EHBP1: variants seen among roughly 807,000 people sequenced by gnomAD.
EHBP1 encodes EH domain-binding protein 1.
EHBP1 carries 55 observed loss-of-function variants against 144.0 expected under a neutral mutation model. That is an observed-to-expected ratio of 0.38 (90% CI 0.31 to 0.48). The LOEUF (loss-of-function observed/expected upper bound fraction) is 0.48. Among genes scored for constraint, EHBP1 ranks in the 20% least tolerant of loss-of-function variants. EHBP1 has a pLI of 0.98. For missense variants in EHBP1, 1,200 were observed against 1,364.2 expected, an observed-to-expected ratio of 0.88 and a Z score of 1.90; for synonymous variants, 469 against 472.7, an observed-to-expected ratio of 0.99 and a Z score of 0.10.
chr2:63,038,922 C>T, intron 21 of EHBP1, 106 bp downstream of exon 21: 1 of 1,044,580 alleles, frequency 9.6e-7, no homozygotes, highest in Non-Finnish European at 1.4e-6. Context: ...TACTAGGGAC[C>T]TTCCGGAATT....
intron 2 of EHBP1, among the ~76,000 whole-genome samples, chr2:62,721,833 CT>C (rs757348719): frequency 2.6e-5 from 4 of 152,024 alleles, no homozygotes; most frequent in Non-Finnish European, 4.4e-5. Context: ...TCATTACTGC[CT>C]TTTGTACAGA....
intron 14 of EHBP1, among the ~76,000 whole-genome samples, chr2:62,976,128 T>C (rs1300439517): frequency 6.6e-6 from 1 of 152,238 alleles, no homozygotes; most frequent in Non-Finnish European, 1.5e-5. Context: ...ACTCGAATTT[T>C]CCTTGATTCA....
At chr2:62,882,315 G>A (rs1445336963) in intron 10 of EHBP1, among the ~76,000 whole-genome samples, 2 of 152,112 alleles carry the variant, frequency 1.3e-5, no homozygotes, top group East Asian at 1.9e-4. Context: ...GAGAAAGAGG[G>A]AAAAATGCTA....
chr2:62,894,840 C>G (rs1316872004), intron 10 of EHBP1, among the ~76,000 whole-genome samples: 1 of 151,444 alleles, frequency 6.6e-6, no homozygotes, highest in East Asian at 2.0e-4. Flanking sequence ...ATTGCTTGAA[C>G]CCAGGAGTTA....
chr2:62,724,005 T>C (rs1438193018), intron 2 of EHBP1, among the ~76,000 whole-genome samples: 1 of 152,210 alleles, frequency 6.6e-6, no homozygotes, highest in African/African-American at 2.4e-5. Context: ...TTCCTGAATT[T>C]GAATGTTGGC....
At chr2:62,880,492 A>C (rs781639557) in intron 10 of EHBP1, among the ~76,000 whole-genome samples, 22 of 152,226 alleles carry the variant, frequency 1.4e-4, no homozygotes, top group Non-Finnish European at 2.4e-4. Flanking sequence ...AATATTTTCC[A>C]ACTACATATC....
intron 2 of EHBP1, among the ~76,000 whole-genome samples, chr2:62,708,665 G>A (rs932778648): frequency 3.9e-5 from 6 of 152,188 alleles, no homozygotes; most frequent in South Asian, 4.1e-4. Context: ...TACAGAGGTC[G>A]CAGAGGGAAA....
At chr2:62,838,480 C>T (rs368989517) in intron 7 of EHBP1, among the ~76,000 whole-genome samples, 2 of 151,936 alleles carry the variant, frequency 1.3e-5, no homozygotes, top group African/African-American at 4.8e-5. Context: ...AGGCAAGAAA[C>T]AACTAAAATC....
chr2:63,023,928 T>A (rs2060862874), intron 19 of EHBP1, among the ~76,000 whole-genome samples: 1 of 152,232 alleles, frequency 6.6e-6, no homozygotes, highest in African/African-American at 2.4e-5. Flanking sequence ...GGTATAAAAA[T>A]TTTCTAGAGA....
chr2:62,781,988 A>G (rs2042453038), intron 5 of EHBP1, among the ~76,000 whole-genome samples: 1 of 152,226 alleles, frequency 6.6e-6, no homozygotes, highest in South Asian at 2.1e-4. Context: ...ATGTTATTAT[A>G]ATTTTACTCA....
intron 4 of EHBP1, among the ~76,000 whole-genome samples, chr2:62,765,188 T>C (rs1320863156): frequency 2.0e-5 from 3 of 152,142 alleles, no homozygotes; most frequent in African/African-American, 7.2e-5. Context: ...GTTAATTATG[T>C]AGAGATACCA....
chr2:63,029,976 C>G (rs1012307383), intron 19 of EHBP1, among the ~76,000 whole-genome samples: 1 of 152,222 alleles, frequency 6.6e-6, no homozygotes, highest in East Asian at 1.9e-4. Context: ...GGTGATCTGC[C>G]CACCTCAGCC....
At chr2:63,044,291 C>G (rs919118672) in intron 21 of EHBP1, 1 of 148,810 alleles carries the variant, frequency 6.7e-6, no homozygotes, top group South Asian at 2.1e-4. Context: ...GCCCCCCATC[C>G]ATGGAAAGAG....
At chr2:63,022,086 A>C (rs543612206) in intron 19 of EHBP1, among the ~76,000 whole-genome samples, 6 of 152,092 alleles carry the variant, frequency 3.9e-5, no homozygotes, top group African/African-American at 1.4e-4. Context: ...TTTTACTTAA[A>C]AATACGGATG....
chr2:62,997,269 C>T (rs1236781627), intron 19 of EHBP1, among the ~76,000 whole-genome samples: 1 of 151,822 alleles, frequency 6.6e-6, no homozygotes, highest in Non-Finnish European at 1.5e-5. Context: ...CTTTGTGTCA[C>T]AGTTGCATTT....
At chr2:62,862,703 C>T (rs2152805971) in intron 8 of EHBP1, among the ~76,000 whole-genome samples, 1 of 152,286 alleles carries the variant, frequency 6.6e-6, no homozygotes, top group South Asian at 2.1e-4. Context: ...ACTTAGGAAA[C>T]AATTTTTCTT....
chr2:62,744,125 G>C (rs2038947865), intron 2 of EHBP1, among the ~76,000 whole-genome samples: 1 of 152,108 alleles, frequency 6.6e-6, no homozygotes, highest in South Asian at 2.1e-4. Context: ...CAGGAAGTGT[G>C]ACTGTGCATA....
intron 3 of EHBP1, among the ~76,000 whole-genome samples, chr2:62,757,572 TAC>T (rs1398466482): frequency 6.6e-6 from 1 of 151,740 alleles, no homozygotes; most frequent in Non-Finnish European, 1.5e-5. Flanking sequence ...TAGCTGGGAT[TAC>T]AGACATACGC....
intron 2 of EHBP1, among the ~76,000 whole-genome samples, chr2:62,709,404 A>C (rs1268347931): frequency 6.6e-6 from 1 of 152,186 alleles, no homozygotes; most frequent in Non-Finnish European, 1.5e-5. Flanking sequence ...GGGAGCATCA[A>C]CGTTAAGATG....
Sources: allele counts gnomAD v4.1 joint callset (sites outside exome capture counted in the v4.1 genomes callset), GRCh38; gene constraint gnomAD v4.1.1; transcripts MANE v1.5; gene names NCBI Gene and HGNC (gene_info 2026-07-23, HGNC 2026-07-21).